Variants in HNF4G observed in about 807,000 individuals in gnomAD.
The protein encoded by HNF4G is hepatocyte nuclear factor 4-gamma.
In HNF4G, 21 loss-of-function variants were observed where a neutral mutation model predicts 50.9. That is an observed-to-expected ratio of 0.41 (90% CI 0.29 to 0.59). The LOEUF (loss-of-function observed/expected upper bound fraction) is 0.59, where lower values mean the gene tolerates loss of function less well. Ranked by LOEUF, HNF4G falls within the 20% of genes least tolerant of loss-of-function variation. HNF4G has a pLI of 0.26. For synonymous variants in HNF4G, 198 were observed against 185.6 expected, an observed-to-expected ratio of 1.07 and a Z score of -0.54; for missense variants, 527 against 559.4, an observed-to-expected ratio of 0.94 and a Z score of 0.58.
At chr8:75,550,401 C>T (rs1806914484) in intron 3 of HNF4G, among the ~76,000 whole-genome samples, 1 of 152,066 alleles carries the variant, frequency 6.6e-6, no homozygotes, top group Non-Finnish European at 1.5e-5. Flanking sequence ...TGACCTTCGC[C>T]TCTTGGGTTC....
chr8:75,556,313 C>G (rs1807124217), intron 6 of HNF4G, among the ~76,000 whole-genome samples: 1 of 151,892 alleles, frequency 6.6e-6, no homozygotes, highest in African/African-American at 2.4e-5. Flanking sequence ...AGAGATGTTG[C>G]TCAATAAACA....
chr8:75,435,445 A>G (rs1811113371), intron 1 of HNF4G, among the ~76,000 whole-genome samples: 1 of 152,206 alleles, frequency 6.6e-6, no homozygotes, highest in Non-Finnish European at 1.5e-5. Context: ...TTTACTAAAT[A>G]TCTCATTCCA....
At chr8:75,541,756 A>T (rs1238632711) in intron 1 of HNF4G, among the ~76,000 whole-genome samples, 2 of 152,064 alleles carry the variant, frequency 1.3e-5, no homozygotes, top group African/African-American at 4.8e-5. Flanking sequence ...ATATTAACTC[A>T]TTTAAGAAAT....
chr8:75,427,859 C>A (rs188979123), intron 1 of HNF4G, among the ~76,000 whole-genome samples: 2 of 151,992 alleles, frequency 1.3e-5, no homozygotes, highest in Admixed American at 1.3e-4. Flanking sequence ...TGCAAGTGAA[C>A]CCTGAAGGTT....
intron 1 of HNF4G, among the ~76,000 whole-genome samples, chr8:75,473,365 T>C (rs1050026019): frequency 2.6e-5 from 4 of 152,154 alleles, no homozygotes; most frequent in African/African-American, 9.7e-5. Flanking sequence ...ACATAAAATA[T>C]ATTTGGACCA....
At chr8:75,424,232 T>A (rs530450899) in intron 1 of HNF4G, among the ~76,000 whole-genome samples, 1 of 152,328 alleles carries the variant, frequency 6.6e-6, no homozygotes, top group Admixed American at 6.5e-5. Flanking sequence ...TATTTTTTCC[T>A]TATTAAAGTA....
intron 5 of HNF4G, among the ~76,000 whole-genome samples, chr8:75,554,353 T>C (rs1227094006): frequency 6.6e-6 from 1 of 152,226 alleles, no homozygotes; most frequent in Non-Finnish European, 1.5e-5. Context: ...ATTGGGAAAT[T>C]AAAATCCAGT....
At chr8:75,493,650 TG>T (rs1382943723) in intron 2 of HNF4G, among the ~76,000 whole-genome samples, 1 of 152,200 alleles carries the variant, frequency 6.6e-6, no homozygotes, top group Non-Finnish European at 1.5e-5. Flanking sequence ...TTAAATTTTC[TG>T]TTTTATCTAT....
At chr8:75,526,309 A>G (rs1202903129) in intron 2 of HNF4G, among the ~76,000 whole-genome samples, 2 of 151,884 alleles carry the variant, frequency 1.3e-5, no homozygotes, top group African/African-American at 4.8e-5. Context: ...CTGGGTTTAT[A>G]GACCTGAGCC....
chr8:75,442,453 A>G (rs1811309645), intron 1 of HNF4G, among the ~76,000 whole-genome samples: 1 of 152,142 alleles, frequency 6.6e-6, no homozygotes, highest in Admixed American at 6.5e-5. Context: ...TCATGCCTAT[A>G]ATCTCAGCAC....
At chr8:75,506,543 AT>A (rs1813084974) in intron 2 of HNF4G, among the ~76,000 whole-genome samples, 2 of 152,164 alleles carry the variant, frequency 1.3e-5, no homozygotes, top group South Asian at 4.1e-4. Context: ...TCATTCTCAT[AT>A]CCCTGAATTC....
At chr8:75,556,878 G>A (rs545758002) in intron 6 of HNF4G, among the ~76,000 whole-genome samples, 2 of 152,254 alleles carry the variant, frequency 1.3e-5, no homozygotes, top group East Asian at 3.9e-4. Context: ...TACATTACAT[G>A]TATATGTATA....
intron 1 of HNF4G, among the ~76,000 whole-genome samples, chr8:75,421,944 T>C (rs1177451396): frequency 6.6e-6 from 1 of 152,128 alleles, no homozygotes; most frequent in East Asian, 1.9e-4. Context: ...TGTTTCTATG[T>C]GTGTGTGCGC....
chr8:75,558,084 A>T (rs1424374471), intron 6 of HNF4G, among the ~76,000 whole-genome samples: 1 of 152,206 alleles, frequency 6.6e-6, no homozygotes, highest in Non-Finnish European at 1.5e-5. Flanking sequence ...AAACTGTCTC[A>T]ATAGTGTATG....
intron 1 of HNF4G, among the ~76,000 whole-genome samples, chr8:75,458,459 T>G (rs1811774033): frequency 6.6e-6 from 1 of 151,782 alleles, no homozygotes; most frequent in South Asian, 2.1e-4. Flanking sequence ...CAGACTGATT[T>G]TCAAAGCTTC....
chr8:75,455,422 T>G (rs1811697077), intron 1 of HNF4G, among the ~76,000 whole-genome samples: 1 of 152,198 alleles, frequency 6.6e-6, no homozygotes, highest in Non-Finnish European at 1.5e-5. Flanking sequence ...GTTGGTATCT[T>G]TAGTTACACA....
intron 2 of HNF4G, among the ~76,000 whole-genome samples, chr8:75,491,839 A>T (rs1812639984): frequency 6.6e-6 from 1 of 152,198 alleles, no homozygotes; most frequent in African/African-American, 2.4e-5. Context: ...GGATTAGACC[A>T]TGAAGACTTA....
At chr8:75,509,491 T>A (rs1238519512) in intron 2 of HNF4G, among the ~76,000 whole-genome samples, 1 of 152,208 alleles carries the variant, frequency 6.6e-6, no homozygotes. Context: ...GACACATGTA[T>A]TTTAATAAGC....
rs150771634 is a variant in HNF4G at position 75,524,934 on chromosome 8, A to G, written c.-23-18877A>G. Among the ~76,000 whole-genome samples the G allele has an allele frequency of 3.8e-3, 585 of 152,292 alleles. 4 individuals carry two copies. Among genetic ancestry groups the G allele is most frequent in the African/African-American group, 0.013 (556 of 41,554 alleles). On this transcript the variant is annotated intron_variant, in intron 2 of 10. Coordinates refer to the HNF4G transcript ENST00000354370. ...AAACTTTTACATTTGCAGCAGGTAA[A>G]TGGGTTCCAGTGTGTGTATATTAAA...
Sources: gnomAD v4.1 joint callset for allele counts (sites outside exome capture counted in the v4.1 genomes callset) on GRCh38, gnomAD v4.1.1 for gene constraint, MANE v1.5 for transcripts, NCBI Gene and HGNC (gene_info 2026-07-23, HGNC 2026-07-21) for gene names.